Variants in MADD observed in about 807,000 individuals in gnomAD.
MADD encodes MAP kinase-activating death domain protein.
Under a neutral mutation model 176.7 loss-of-function variants are expected in MADD, and 109 were observed. That is an observed-to-expected ratio of 0.62 (90% CI 0.53 to 0.72). The LOEUF (loss-of-function observed/expected upper bound fraction) is 0.72. MADD is among the 30% of genes least tolerant of loss of function. The pLI, the probability that MADD is intolerant of heterozygous loss-of-function variation, is 0.00. For missense variants in MADD, 1,914 were observed against 2,045.5 expected (o/e 0.94, Z 1.24); for synonymous variants, 771 against 771.3 (o/e 1.00, Z 0.01).
At chr11:47,319,756 C>T (rs1055699213) in intron 27 of MADD, among the ~76,000 whole-genome samples, 53 of 151,946 alleles carry the variant, frequency 3.5e-4, no homozygotes, top group Admixed American at 1.3e-4. Context: ...ATTGGGAGGC[C>T]GAGGCAGGTG....
Position 47,283,954 on chromosome 11 carries a change from C to T in MADD, c.1863-224C>T, listed in dbSNP as rs183506834. Among the ~76,000 whole-genome samples the T allele has an allele frequency of 2.4e-3, 361 of 152,352 alleles. 2 individuals are homozygous for T. The highest frequency in any genetic ancestry group is 8.2e-3 in the African/African-American group (340 of 41,588). On this transcript the variant is annotated intron_variant, in intron 10 of 32. Transcript: ENST00000402192. ...AACTCCAGACCTCAGGTGATCCACC[C>T]GCCTTAGCGTCCCAAAGTGCTTGGA... is the stretch of plus-strand genomic sequence containing the variant.
chr11:47,284,642 G>T, intron 12 of MADD, 77 bp downstream of exon 12: 1 of 1,519,178 alleles, frequency 6.6e-7, no homozygotes, highest in South Asian at 1.2e-5. Flanking sequence ...CCAGGCTGTA[G>T]CTATTCATTT....
At chr11:47,328,572 C>T (rs984730059) in intron 31 of MADD, 86 bp from the exon 36 acceptor site, 21 of 1,589,482 alleles carry the variant, frequency 1.3e-5, no homozygotes, top group African/African-American at 5.4e-5. Context: ...GGGACCCTGA[C>T]GCCGGGCGCT....
upstream of MADD, chr11:47,269,479 C>T (rs1416650464): frequency 6.6e-6 from 1 of 152,348 alleles, no homozygotes; most frequent in Non-Finnish European, 1.5e-5. Context: ...AGACCTAGAA[C>T]CCAGTGTCGG....
chr11:47,299,209 C>T (rs1012731616), intron 22 of MADD, among the ~76,000 whole-genome samples: 5 of 151,972 alleles, frequency 3.3e-5, no homozygotes, highest in African/African-American at 1.2e-4. Context: ...GTGAAGAATA[C>T]CGTTGGTATT....
chr11:47,293,789 G>T, intron 19 of MADD, 94 bp from the exon 22 acceptor site: 1 of 778,060 alleles, frequency 1.3e-6, no homozygotes, highest in Non-Finnish European at 2.2e-6. Context: ...TGGGCTGAAC[G>T]GGTCTGGGAA....
chr11:47,316,571 G>C (rs1438845563), intron 27 of MADD, among the ~76,000 whole-genome samples: 30 of 150,862 alleles, frequency 2.0e-4, no homozygotes, highest in Admixed American at 1.7e-3. Flanking sequence ...TGTATTTTTA[G>C]TAGGGATGGG....
intron 15 of MADD, among the ~76,000 whole-genome samples, chr11:47,287,343 C>A (rs758970297): frequency 6.6e-6 from 1 of 152,116 alleles, no homozygotes. Context: ...AAACAAAAAA[C>A]GAAACCTTAT....
intron 19 of MADD, among the ~76,000 whole-genome samples, chr11:47,292,013 G>A (rs972503469): frequency 6.6e-6 from 1 of 152,190 alleles, no homozygotes; most frequent in Non-Finnish European, 1.5e-5. Flanking sequence ...GAGGAGGGAT[G>A]CTAACTGCCT....
At chr11:47,304,309 C>T (rs755580205) in intron 22 of MADD, among the ~76,000 whole-genome samples, 1 of 151,706 alleles carries the variant, frequency 6.6e-6, no homozygotes, top group Non-Finnish European at 1.5e-5. Context: ...CGGCTCACCG[C>T]AACCTCTGAC....
intron 31 of MADD, 94 bp downstream of exon 35, chr11:47,326,901 G>C (rs998906960): frequency 4.5e-6 from 7 of 1,568,036 alleles, no homozygotes; most frequent in African/African-American, 4.1e-5. Flanking sequence ...GGGAGAAGAA[G>C]AACCTCTGTA....
chr11:47,293,973 C>T, exon 20 of MADD: 1 of 1,613,886 alleles, frequency 6.2e-7, no homozygotes, highest in Non-Finnish European at 8.5e-7. Context: ...AGCCTGACGT[C>T]TAGTTCCCAG....
chr11:47,303,844 A>G (rs1273086831), intron 22 of MADD, among the ~76,000 whole-genome samples: 3 of 142,990 alleles, frequency 2.1e-5, no homozygotes, highest in Non-Finnish European at 4.6e-5. Flanking sequence ...CTGACTTCAA[A>G]TGATCTGCCC....
At position 47,283,383 on chromosome 11, in the gene MADD, G is replaced by A. The variant is rs1047676373; in HGVS notation, c.1862+414G>A. 1.3e-4 allele frequency among the ~76,000 whole-genome samples: 19 copies of A among 151,866 alleles called. 1 individual carries two copies. In the South Asian group the frequency reaches 2.3e-3, roughly 18 times the overall value. On this transcript the variant is annotated intron_variant, in intron 10 of 32. Transcript: ENST00000402192. ...GCTGAGAATACAGGCGTGAGCCACC[G>A]CGCCCGGCCTTATTTATTTATTTTT... is the stretch of plus-strand genomic sequence containing the variant.
intron 27 of MADD, among the ~76,000 whole-genome samples, chr11:47,322,541 G>A (rs1000349990): frequency 1.3e-5 from 2 of 152,158 alleles, no homozygotes; most frequent in African/African-American, 4.8e-5. Flanking sequence ...GAACCTGGGA[G>A]GCGGAGCTTG....
chr11:47,321,724 T>A (rs2094505759), intron 27 of MADD, among the ~76,000 whole-genome samples: 1 of 152,106 alleles, frequency 6.6e-6, no homozygotes, highest in South Asian at 2.1e-4. Flanking sequence ...GTCAGGGATA[T>A]TTGAGCTAGA....
chr11:47,328,021 TCTG>T, intron 31 of MADD: 1 of 989,938 alleles, frequency 1.0e-6, no homozygotes. Flanking sequence ...TCGCCTGTCT[TCTG>T]CTGGGTGTGT....
chr11:47,324,455 C>T lies in MADD; in HGVS notation c.4436-16C>T, dbSNP rs901166416. Reference sequence around the variant, plus strand: ...CCACCTCACCAGTGAGCTGATAGCCCCCTCCCTCACCACAGGACCTGAATT... The same window carrying T: ...CCACCTCACCAGTGAGCTGATAGCCTCCTCCCTCACCACAGGACCTGAATT... On this transcript the variant is annotated splice_polypyrimidine_tract_variant and intron_variant, in intron 29 of 32. Coordinates refer to ENST00000402192, the Ensembl canonical transcript of MADD. The T allele has an allele frequency of 6.8e-6, 11 of 1,607,768 alleles. No homozygotes were observed. The Middle Eastern group carries it at 4.9e-4, about 72-fold the overall frequency.
exon 33 of MADD, chr11:47,329,917 C>T (rs1197731531): frequency 6.6e-6 from 1 of 152,640 alleles, no homozygotes; most frequent in Non-Finnish European, 1.5e-5. Context: ...CACGGGGTGT[C>T]AGGAGGGAGA....
Sources: gnomAD v4.1 joint callset for allele counts (sites outside exome capture counted in the v4.1 genomes callset) on GRCh38, gnomAD v4.1.1 for gene constraint, MANE v1.5 for transcripts, NCBI Gene and HGNC (gene_info 2026-07-23, HGNC 2026-07-21) for gene names.